The following VPS13D variants were observed in gnomAD, a reference collection of about 807,000 sequenced individuals.
VPS13D encodes the protein intermembrane lipid transfer protein VPS13D.
VPS13D carries 187 observed loss-of-function variants against 461.9 expected under a neutral mutation model. The observed-to-expected ratio is 0.40, with a 90% CI of 0.36 to 0.46. VPS13D has a LOEUF of 0.46. Among genes scored for constraint, VPS13D ranks in the 20% least tolerant of loss-of-function variants. VPS13D has a pLI of 0.60. For missense variants in VPS13D, 4,711 were observed against 5,364.9 expected, an observed-to-expected ratio of 0.88 and a Z score of 3.81; for synonymous variants, 1,951 against 1,986.3, an observed-to-expected ratio of 0.98 and a Z score of 0.47.
chr1:12,361,759 T>C (rs900779313), intron 50 of VPS13D, among the ~76,000 whole-genome samples: 1 of 152,214 alleles, frequency 6.6e-6, no homozygotes, highest in Non-Finnish European at 1.5e-5. Context: ...TTTCTATATT[T>C]GGAACCGGCT....
chr1:12,321,232 C>T (rs751260831), intron 32 of VPS13D, among the ~76,000 whole-genome samples: 16 of 152,042 alleles, frequency 1.1e-4, no homozygotes, highest in Admixed American at 4.6e-4. Context: ...TACCTATCAC[C>T]CAGTTTTAAT....
At chr1:12,356,351 A>G (rs779954572) in intron 48 of VPS13D, 47 bp from the exon 49 acceptor site, 1 of 1,578,494 alleles carries the variant, frequency 6.3e-7, no homozygotes, top group Admixed American at 1.9e-5. Context: ...CATCTCTTTC[A>G]GATAGACTGG....
At chr1:12,503,504 C>T (rs1646061941) in intron 68 of VPS13D, among the ~76,000 whole-genome samples, 1 of 152,038 alleles carries the variant, frequency 6.6e-6, no homozygotes, top group Non-Finnish European at 1.5e-5. Flanking sequence ...AAACTTTTAA[C>T]CGAGGTTTAA....
chr1:12,327,956 T>C, intron 36 of VPS13D, 102 bp downstream of exon 36: 4 of 1,163,902 alleles, frequency 3.4e-6, no homozygotes, highest in Non-Finnish European at 4.8e-6. Flanking sequence ...TATTTAGTCA[T>C]TTGGGTGAAA....
chr1:12,369,413 C>T, intron 53 of VPS13D, 54 bp from the exon 54 acceptor site: 3 of 1,545,304 alleles, frequency 1.9e-6, no homozygotes, highest in Non-Finnish European at 2.7e-6. Context: ...ACTCACTTTT[C>T]AGTAACCCCA....
At chr1:12,314,027 AT>A in intron 29 of VPS13D, 87 bp from the exon 30 acceptor site, 2 of 1,184,610 alleles carry the variant, frequency 1.7e-6, no homozygotes, top group African/African-American at 3.0e-5. Flanking sequence ...TATATTTTTG[AT>A]TTTGCTCGTT....
chr1:12,458,672 T>C (rs567092559), intron 66 of VPS13D, among the ~76,000 whole-genome samples: 1 of 151,674 alleles, frequency 6.6e-6, no homozygotes, highest in South Asian at 2.1e-4. Flanking sequence ...ACCCAAGGAG[T>C]TTCCTTTACC....
chr1:12,474,621 G>T (rs548692327), intron 67 of VPS13D, among the ~76,000 whole-genome samples: 11 of 152,152 alleles, frequency 7.2e-5, no homozygotes, highest in South Asian at 2.1e-4. Context: ...TCTGCATAAT[G>T]AAAATACAAG....
chr1:12,255,495 C>T (rs1305852771), intron 7 of VPS13D, among the ~76,000 whole-genome samples: 1 of 151,816 alleles, frequency 6.6e-6, no homozygotes, highest in Non-Finnish European at 1.5e-5. Flanking sequence ...TCGTTGGTTG[C>T]CTCTGAGGAG....
At chr1:12,374,082 C>G (rs898557226) in intron 55 of VPS13D, among the ~76,000 whole-genome samples, 1 of 152,022 alleles carries the variant, frequency 6.6e-6, no homozygotes, top group Non-Finnish European at 1.5e-5. Context: ...ATCAGCAGAA[C>G]GTGAATAATA....
chr1:12,499,995 T>C, intron 68 of VPS13D: 1 of 985,448 alleles, frequency 1.0e-6, no homozygotes, highest in Non-Finnish European at 1.2e-6. Flanking sequence ...TTAAAGGATC[T>C]TTAATACCTT....
chr1:12,365,306 G>A (rs1256228866), intron 52 of VPS13D, among the ~76,000 whole-genome samples: 2 of 152,194 alleles, frequency 1.3e-5, no homozygotes, highest in Admixed American at 6.5e-5. Flanking sequence ...CTATTGGGAT[G>A]TTGATAGGGA....
intron 54 of VPS13D, among the ~76,000 whole-genome samples, chr1:12,370,666 T>C (rs751078902): frequency 1.3e-5 from 2 of 152,224 alleles, no homozygotes; most frequent in Non-Finnish European, 2.9e-5. Context: ...CTTGTTGTAA[T>C]TGAGTCAATA....
At chr1:12,264,228 A>G (rs1189564997) in intron 13 of VPS13D, among the ~76,000 whole-genome samples, 3 of 152,170 alleles carry the variant, frequency 2.0e-5, no homozygotes, top group Admixed American at 6.5e-5. Flanking sequence ...GGGCCTCCCT[A>G]TTACCTGAGA....
chr1:12,404,070 C>CTTT, intron 63 of VPS13D, 97 bp downstream of exon 63: 1 of 877,298 alleles, frequency 1.1e-6, no homozygotes, highest in Non-Finnish European at 1.5e-6. Context: ...TGTGTGTGTG[C>CTTT]TTTTTTTTTT....
intron 60 of VPS13D, among the ~76,000 whole-genome samples, chr1:12,398,309 A>C (rs1303393728): frequency 2.6e-5 from 4 of 151,310 alleles, no homozygotes; most frequent in African/African-American, 7.3e-5. Flanking sequence ...TTTGTATCCC[A>C]CCTCTTCCAC....
intron 57 of VPS13D, among the ~76,000 whole-genome samples, chr1:12,381,745 T>G (rs1342088464): frequency 6.6e-6 from 1 of 152,144 alleles, no homozygotes; most frequent in African/African-American, 2.4e-5. Context: ...GTACATCACT[T>G]CCCTTTCTTT....
chr1:12,375,278 G>A (rs1263931433), intron 55 of VPS13D, among the ~76,000 whole-genome samples: 2 of 152,206 alleles, frequency 1.3e-5, no homozygotes, highest in African/African-American at 4.8e-5. Context: ...ATTAGGTGCA[G>A]TTGTTGCTAT....
At chr1:12,266,856 C>A in intron 13 of VPS13D, 25 bp from the exon 14 acceptor site, 1 of 1,521,586 alleles carries the variant, frequency 6.6e-7, no homozygotes, top group Non-Finnish European at 8.8e-7. Flanking sequence ...AGCATTGTAT[C>A]AACTATTTTA....
Sources: gnomAD v4.1 joint callset for allele counts (sites outside exome capture counted in the v4.1 genomes callset) on GRCh38, gnomAD v4.1.1 for gene constraint, MANE v1.5 for transcripts, NCBI Gene and HGNC (gene_info 2026-07-23, HGNC 2026-07-21) for gene names.